Variants in RPS7 observed in about 807,000 individuals in gnomAD.
The protein encoded by RPS7 is small ribosomal subunit protein eS7.
A neutral mutation model predicts 22.1 loss-of-function variants in RPS7; 1 was observed. That is an observed-to-expected ratio of 0.05 (90% CI 0.02 to 0.21). The LOEUF (loss-of-function observed/expected upper bound fraction) is 0.21, where lower values mean the gene tolerates loss of function less well. Ranked by LOEUF, RPS7 falls within the 10% of genes least tolerant of loss-of-function variation. RPS7 has a pLI of 1.00. For missense variants in RPS7, 137 were observed against 246.4 expected, an observed-to-expected ratio of 0.56 and a Z score of 2.97; for synonymous variants, 80 against 92.0, an observed-to-expected ratio of 0.87 and a Z score of 0.74.
At chr2:3,580,672 C>T (rs1027021190) in intron 6 of RPS7, 133 bp from the exon 7 acceptor site, 1 of 702,234 alleles carries the variant, frequency 1.4e-6, no homozygotes, top group Non-Finnish European at 2.6e-6. Flanking sequence ...GTCGTGAAGA[C>T]TGCTGCAGAC....
chr2:3,580,034 C>A, intron 5 of RPS7, 76 bp from the exon 6 acceptor site: 1 of 1,359,840 alleles, frequency 7.4e-7, no homozygotes, highest in Non-Finnish European at 1.1e-6. Context: ...TTCATTTTGA[C>A]TTAAAGAGGT....
chr2:3,580,486 T>C (rs182456916), intron 6 of RPS7: 2 of 651,092 alleles, frequency 3.1e-6, no homozygotes, highest in East Asian at 5.4e-5. Context: ...AAGTAGACTC[T>C]TTCTGTGGTC....
At chr2:3,576,879 AAAAT>A in intron 4 of RPS7, 1 of 546,566 alleles carries the variant, frequency 1.8e-6, no homozygotes, top group Non-Finnish European at 3.3e-6. Flanking sequence ...AAAAATAGAA[AAAAT>A]AAGTTTTAAA....
intron 4 of RPS7, 142 bp downstream of exon 4, chr2:3,576,772 C>T: frequency 1.8e-6 from 2 of 1,102,216 alleles, no homozygotes; most frequent in Non-Finnish European, 2.8e-6. Context: ...ACAGGCAGAG[C>T]GCCGTGGCTT....
At chr2:3,575,569 A>AACTT (rs771284739) in intron 1 of RPS7, 23 bp from the exon 2 acceptor site, 5 of 1,569,898 alleles carry the variant, frequency 3.2e-6, no homozygotes. Context: ...CGGGCCGCGT[A>AACTT]ACGCTGACCG....
At chr2:3,579,970 A>G (rs1661364214) in intron 5 of RPS7, 140 bp from the exon 6 acceptor site, 2 of 815,508 alleles carry the variant, frequency 2.5e-6, no homozygotes, top group Non-Finnish European at 4.3e-6. Flanking sequence ...GAAATATAAC[A>G]AGCTTATTTG....
Position 3,579,927 on chromosome 2 carries a change from T to C in RPS7, c.357-183T>C, listed in dbSNP as rs1414688786. On this transcript the variant is annotated intron_variant, in intron 5 of 6. Transcript: ENST00000645674. The stretch of plus-strand genomic sequence containing the variant: ...AATAAATCAGTAAGCTATTACCCTA[T>C]TCTAGGTAGGCAAAGGCTTTAGTTT... 6.1e-6 allele frequency: 4 copies of C among 659,962 alleles called. No homozygotes were observed. In the East Asian group the frequency reaches 7.9e-5, roughly 13 times the overall value. The allele number at this position is 659,962 out of a possible 1,614,324, so 40.9% of individuals were successfully genotyped here. A position where few individuals can be genotyped will look rare whatever the true frequency, so the allele number is the denominator to read the frequency against.
At chr2:3,580,500 T>C (rs977839373) in intron 6 of RPS7, 6 of 636,624 alleles carry the variant, frequency 9.4e-6, no homozygotes, top group South Asian at 1.8e-5. Context: ...TGTGGTCTTT[T>C]AGTTAGGCTG....
At chr2:3,577,152 G>T in intron 4 of RPS7, 1 of 193,568 alleles carries the variant, frequency 5.2e-6, no homozygotes, top group Non-Finnish European at 1.1e-5. Flanking sequence ...TGGCTGACAC[G>T]GTGAAACCCC....
At chr2:3,575,392 G>T (rs1295175078) in intron 1 of RPS7, 42 bp downstream of exon 1, 2 of 577,122 alleles carry the variant, frequency 3.5e-6, no homozygotes, top group Non-Finnish European at 6.1e-6. Flanking sequence ...TTTCTTCTTG[G>T]GTTGAGGAAA....
rs1381364942 is a variant in RPS7 at position 3,575,902 on chromosome 2, C to A, written c.147+14C>A. On this transcript the variant is annotated intron_variant, in intron 3 of 6. Transcript: ENST00000645674. ...ACGGCAGCTAAGGTAAGCTGGCGCT[C>A]CCTCGGCTGGGAGGGAGGTTGCGGC... 2 of 1,591,168 alleles carry A rather than the reference C, an allele frequency of 1.3e-6. No individual in the cohort carries two copies. The highest frequency in any genetic ancestry group is 1.7e-5 in the Admixed American group (1 of 58,778).
chr2:3,579,614 GAT>G, intron 5 of RPS7: 1 of 180,038 alleles, frequency 5.6e-6, no homozygotes, highest in South Asian at 1.1e-4. Context: ...ACTTGGTAGT[GAT>G]ATTCAGACGA....
chr2:3,576,959 T>C, intron 4 of RPS7: 1 of 358,918 alleles, frequency 2.8e-6, no homozygotes, highest in Non-Finnish European at 5.3e-6. Context: ...GACAGACTGC[T>C]GTGTTTTGAG....
chr2:3,575,970 C>G (rs1435664896), intron 3 of RPS7, 82 bp downstream of exon 3: 12 of 1,032,242 alleles, frequency 1.2e-5, no homozygotes, highest in Non-Finnish European at 1.6e-5. Flanking sequence ...ACCTGGGTTA[C>G]GGTTGATGAT....
chr2:3,577,061 C>T, intron 4 of RPS7: 2 of 263,626 alleles, frequency 7.6e-6, no homozygotes, highest in Non-Finnish European at 1.5e-5. Flanking sequence ...ACAGGCCGGG[C>T]CCTGTGGCTC....
At chr2:3,578,311 T>C (rs908921383) in intron 5 of RPS7, 1 of 155,798 alleles carries the variant, frequency 6.4e-6, no homozygotes, top group Admixed American at 6.3e-5. Context: ...TGGTATTTTG[T>C]TAGTCTCTGA....
intron 4 of RPS7, 44 bp from the exon 5 acceptor site, chr2:3,577,666 A>G (rs752062898): frequency 7.1e-7 from 1 of 1,407,770 alleles, no homozygotes; most frequent in Admixed American, 1.7e-5. Flanking sequence ...TTGTCAATTT[A>G]AAGTCTTTTT....
At chr2:3,576,307 T>C (rs1275893928) in intron 3 of RPS7, 180 bp from the exon 4 acceptor site, 1 of 687,628 alleles carries the variant, frequency 1.5e-6, no homozygotes, top group Non-Finnish European at 2.6e-6. Context: ...AATAAGGAAA[T>C]GTGAAGGTTG....
intron 5 of RPS7, chr2:3,579,234 C>G (rs977409375): frequency 1.3e-5 from 2 of 152,066 alleles, no homozygotes; most frequent in African/African-American, 4.8e-5. Flanking sequence ...ATGAATAATC[C>G]GTTTGTCTTG....
Sources: gnomAD v4.1 joint callset for allele counts on GRCh38, gnomAD v4.1.1 for gene constraint, MANE v1.5 for transcripts, NCBI Gene and HGNC (gene_info 2026-07-23, HGNC 2026-07-21) for gene names.